Variants in LRFN2 observed in about 807,000 individuals in gnomAD.
The protein encoded by LRFN2 is leucine-rich repeat and fibronectin type-III domain-containing protein 2.
Under a neutral mutation model 37.3 loss-of-function variants are expected in LRFN2, and 18 were observed. The observed-to-expected ratio is 0.48, with a 90% CI of 0.33 to 0.72. LRFN2 has a LOEUF of 0.72. Ranked by LOEUF, LRFN2 falls within the 30% of genes least tolerant of loss-of-function variation. The pLI, the probability that LRFN2 is intolerant of heterozygous loss-of-function variation, is 0.02. For missense variants in LRFN2, 1,006 were observed against 1,060.7 expected, an observed-to-expected ratio of 0.95 and a Z score of 0.72; for synonymous variants, 556 against 466.6, an observed-to-expected ratio of 1.19 and a Z score of -2.47.
chr6:40,525,944 C>T (rs1398568602), intron 1 of LRFN2, among the ~76,000 whole-genome samples: 2 of 152,190 alleles, frequency 1.3e-5, no homozygotes, highest in African/African-American at 4.8e-5. Flanking sequence ...TACACGTCAC[C>T]ATCTTTAGCA....
chr6:40,475,697 C>T (rs1484503395), intron 1 of LRFN2, among the ~76,000 whole-genome samples: 1 of 152,136 alleles, frequency 6.6e-6, no homozygotes, highest in African/African-American at 2.4e-5. Context: ...CCTACTCTGT[C>T]GACTTCTCAC....
chr6:40,437,034 T>C (rs75993446), intron 1 of LRFN2, among the ~76,000 whole-genome samples: 3,524 of 152,264 alleles, frequency 0.023, 66 homozygotes, highest in Non-Finnish European at 0.036. Flanking sequence ...TAGTGTTCTA[T>C]GGCCCCATGA....
At chr6:40,440,863 A>AT (rs1385446079) in intron 1 of LRFN2, among the ~76,000 whole-genome samples, 1 of 151,968 alleles carries the variant, frequency 6.6e-6, no homozygotes, top group Non-Finnish European at 1.5e-5. Context: ...CTCTTCCCTC[A>AT]TTTCCTGCAA....
At chr6:40,456,549 G>A (rs374450316) in intron 1 of LRFN2, among the ~76,000 whole-genome samples, 163 of 152,296 alleles carry the variant, frequency 1.1e-3, no homozygotes, top group African/African-American at 3.5e-3. Context: ...AATAATGATC[G>A]TGCTGCTGCT....
chr6:40,412,452 C>T (rs1019686498), intron 2 of LRFN2, among the ~76,000 whole-genome samples: 2 of 152,174 alleles, frequency 1.3e-5, no homozygotes, highest in Non-Finnish European at 2.9e-5. Flanking sequence ...GGTAACAGAG[C>T]ATGACTGACA....
intron 1 of LRFN2, among the ~76,000 whole-genome samples, chr6:40,552,886 G>A (rs1223309752): frequency 1.3e-5 from 2 of 152,088 alleles, no homozygotes; most frequent in African/African-American, 4.8e-5. Context: ...GAATAATTCT[G>A]TGTTGGAGTG....
intron 1 of LRFN2, among the ~76,000 whole-genome samples, chr6:40,533,447 GAC>G (rs1766389195): frequency 6.6e-6 from 1 of 151,630 alleles, no homozygotes; most frequent in Admixed American, 6.6e-5. Context: ...GAGAGGGAAA[GAC>G]AGAGAGAGAA....
intron 1 of LRFN2, among the ~76,000 whole-genome samples, chr6:40,582,535 T>G (rs1200247260): frequency 1.3e-5 from 2 of 151,940 alleles, no homozygotes; most frequent in Admixed American, 6.6e-5. Context: ...TCCAGTCTGT[T>G]CCTCAGGTTG....
chr6:40,449,797 T>G (rs1764061584), intron 1 of LRFN2, among the ~76,000 whole-genome samples: 1 of 152,214 alleles, frequency 6.6e-6, no homozygotes, highest in African/African-American at 2.4e-5. Flanking sequence ...TGGTAACATA[T>G]TACCTAGCCA....
At chr6:40,394,579 C>T (rs1398199364) in intron 2 of LRFN2, among the ~76,000 whole-genome samples, 2 of 152,174 alleles carry the variant, frequency 1.3e-5, no homozygotes, top group East Asian at 3.9e-4. Context: ...CTGCTGCCTC[C>T]CTCCTCACCT....
At chr6:40,468,796 C>A (rs1385440126) in intron 1 of LRFN2, among the ~76,000 whole-genome samples, 2 of 152,150 alleles carry the variant, frequency 1.3e-5, no homozygotes, top group African/African-American at 4.8e-5. Flanking sequence ...TCTCCTCATG[C>A]ATGTCTCTTC....
chr6:40,417,180 C>T (rs1022488711), intron 2 of LRFN2, among the ~76,000 whole-genome samples: 8 of 152,350 alleles, frequency 5.3e-5, no homozygotes, highest in African/African-American at 1.9e-4. Flanking sequence ...GAGAGCAAAG[C>T]AGCCTTGGGA....
intron 2 of LRFN2, among the ~76,000 whole-genome samples, chr6:40,417,859 T>C (rs1438836617): frequency 1.3e-5 from 2 of 152,190 alleles, no homozygotes; most frequent in Non-Finnish European, 2.9e-5. Flanking sequence ...TTTATGGATG[T>C]GAACATTCAG....
chr6:40,579,794 T>C (rs1767361715), intron 1 of LRFN2, among the ~76,000 whole-genome samples: 1 of 152,010 alleles, frequency 6.6e-6, no homozygotes, highest in East Asian at 1.9e-4. Context: ...CACACAGGGA[T>C]TGGAGAGGTA....
rs56834832 is a variant in LRFN2 at position 40,466,299 on chromosome 6, G to A, written c.-18-33168C>T. ...GAAAAGCAGGAGAACCTATAAATGCGTTAAGCAAAGGTCACCCAGATGTTG... is the reference window on the plus strand; with the variant it reads ...GAAAAGCAGGAGAACCTATAAATGCATTAAGCAAAGGTCACCCAGATGTTG... On this transcript the variant is annotated intron_variant, in intron 1 of 2. Transcript: ENST00000338305. 7.2e-3 allele frequency among the ~76,000 whole-genome samples: 1,089 copies of A among 152,264 alleles called. 15 individuals carry two copies. Among genetic ancestry groups the A allele is most frequent in the African/African-American group, 0.025 (1,018 of 41,544 alleles).
chr6:40,399,080 G>A (rs987378552), intron 2 of LRFN2, among the ~76,000 whole-genome samples: 13 of 151,918 alleles, frequency 8.6e-5, no homozygotes, highest in Admixed American at 2.6e-4. Context: ...CTGGAGGGCC[G>A]GAAGAGGGGA....
intron 1 of LRFN2, among the ~76,000 whole-genome samples, chr6:40,577,100 T>TCTCTTCTCTTCTCTTCTCTTCTC (rs1561913888): frequency 1.7e-5 from 2 of 119,472 alleles, no homozygotes; most frequent in African/African-American, 3.4e-5. Context: ...TTTCTTTTCT[T>TCTCTTCTCTTCTCTTCTCTTCTC]TTCCTTTCTT....
At chr6:40,576,061 A>G (rs1767271442) in intron 1 of LRFN2, among the ~76,000 whole-genome samples, 1 of 152,198 alleles carries the variant, frequency 6.6e-6, no homozygotes, top group Non-Finnish European at 1.5e-5. Context: ...TGGTCATTCC[A>G]TTAGCCTTCC....
At chr6:40,458,296 C>T (rs1485625210) in intron 1 of LRFN2, among the ~76,000 whole-genome samples, 1 of 152,158 alleles carries the variant, frequency 6.6e-6, no homozygotes, top group Non-Finnish European at 1.5e-5. Context: ...GGGCAATTTG[C>T]CGGAATGATT....
Sources: allele counts gnomAD v4.1 joint callset (sites outside exome capture counted in the v4.1 genomes callset), GRCh38; gene constraint gnomAD v4.1.1; transcripts MANE v1.5; gene names NCBI Gene and HGNC (gene_info 2026-07-23, HGNC 2026-07-21).